Variants in EPRS1 observed in about 807,000 individuals in gnomAD.
The protein encoded by EPRS1 is glutamyl-prolyl-tRNA synthetase 1.
EPRS1 carries 107 observed loss-of-function variants against 188.3 expected under a neutral mutation model. The observed-to-expected ratio is 0.57, with a 90% confidence interval of 0.49 to 0.67. EPRS1 has a LOEUF of 0.67. EPRS1 is among the 30% of genes least tolerant of loss of function. EPRS1 has a pLI of 0.00. For missense variants in EPRS1, 1,577 were observed against 1,802.2 expected (o/e 0.88, Z 2.26); for synonymous variants, 596 against 593.1 (o/e 1.00, Z -0.07).
At chr1:219,978,363 G>A (rs555507527) in intron 28 of EPRS1, among the ~76,000 whole-genome samples, 183 bp downstream of exon 28, 1 of 152,192 alleles carries the variant, frequency 6.6e-6, no homozygotes, top group East Asian at 1.9e-4. Context: ...TTAAATTTAG[G>A]TATCACTATT....
At chr1:219,989,645 G>T (rs1661081217) in intron 18 of EPRS1, among the ~76,000 whole-genome samples, 2 of 152,084 alleles carry the variant, frequency 1.3e-5, no homozygotes, top group South Asian at 4.1e-4. Context: ...TACTCAAATG[G>T]GCATCAGAGG....
intron 12 of EPRS1, chr1:220,018,205 T>C (rs866226903): frequency 7.6e-7 from 1 of 1,316,694 alleles, no homozygotes; most frequent in African/African-American, 1.5e-5. Context: ...AAAAAAATAT[T>C]ACTGTTCCCC....
At chr1:220,035,276 A>G (rs1662156306) in intron 2 of EPRS1, among the ~76,000 whole-genome samples, 1 of 151,968 alleles carries the variant, frequency 6.6e-6, no homozygotes, top group Non-Finnish European at 1.5e-5. Context: ...TCAGCCTCCC[A>G]AGTAGCTGTG....
intron 1 of EPRS1, among the ~76,000 whole-genome samples, chr1:220,040,912 A>C (rs1662279561): frequency 6.6e-6 from 1 of 151,254 alleles, no homozygotes; most frequent in Admixed American, 6.6e-5. Flanking sequence ...TTGACCTTGG[A>C]TTTTTAAAAA....
Position 219,988,667 on chromosome 1 carries a change from C to T in EPRS1, c.2698G>A (p.Glu900Lys), listed in dbSNP as rs994713357. The T allele has an allele frequency of 6.2e-7, 1 of 1,613,884 alleles. No individual in the cohort carries two copies. Among genetic ancestry groups the T allele is most frequent in the African/African-American group, 1.3e-5 (1 of 74,882 alleles). ...NSEPAGLETP[E>K]AKVLFDKVAS... ...ACTTTGTCAAAAAGTACTTTCGCTT[C>T]TGGTGTTTCTAAACCAGCAGGTTCA... is the stretch of plus-strand genomic sequence containing the variant. The change falls in exon 19 of 32, where the codon GAA (glutamate) becomes AAA (lysine). Residue 900 changes from glutamate to lysine, a missense_variant. This residue lies in a region of EPRS1 where 1,278 missense variants were observed against 1,457.4 expected (regional missense o/e 0.88). Coordinates refer to ENST00000366923, the MANE Select transcript of EPRS1 (RefSeq NM_004446.3).
intron 11 of EPRS1, 128 bp downstream of exon 11, chr1:220,018,867 T>C: frequency 4.8e-6 from 2 of 417,592 alleles, no homozygotes; most frequent in Non-Finnish European, 8.0e-6. Flanking sequence ...AAAAAAAAAA[T>C]CTGCCCTTGG....
Position 220,017,065 on chromosome 1 carries a change from T to C in EPRS1, c.1494+1384A>G, listed in dbSNP as rs538469373. 2.0e-5 allele frequency among the ~76,000 whole-genome samples: 3 copies of C among 151,836 alleles called. No homozygotes were observed. In the South Asian group the frequency reaches 6.3e-4, roughly 32 times the overall value. ...CCATCTCTACTAAAAATACAAAAATTAGCCAGGCATGGTGGCACATGCCTG... is the reference window on the plus strand; with the variant it reads ...CCATCTCTACTAAAAATACAAAAATCAGCCAGGCATGGTGGCACATGCCTG... On this transcript the variant is annotated intron_variant, in intron 12 of 31. Transcript: ENST00000366923.
chr1:220,033,677 G>GA lies in EPRS1; in HGVS notation c.232-20dup. ...GATCAATCTGTCAACATAAAAGACA[G>GA]AAAAGAAATGCATTCCAACATTTCA... On this transcript the variant is annotated intron_variant, in intron 3 of 31. Coordinates refer to ENST00000366923, the MANE Select transcript of EPRS1 (RefSeq NM_004446.3). 1 of 1,561,258 alleles carries GA rather than the reference G, an allele frequency of 6.4e-7. No homozygotes were observed. The highest frequency in any genetic ancestry group is 8.7e-7 in the Non-Finnish European group (1 of 1,145,176).
intron 18 of EPRS1, among the ~76,000 whole-genome samples, chr1:219,990,513 T>C (rs902055784): frequency 2.0e-5 from 3 of 152,108 alleles, no homozygotes; most frequent in Non-Finnish European, 2.9e-5. Context: ...CTTAGAGAAG[T>C]TGTCAAGTTT....
Position 219,969,116 on chromosome 1 carries a change from G to T in EPRS1, c.4330C>A (p.Gln1444Lys). Residue 1444 changes from glutamine to lysine, a missense_variant, in exon 31 of 32, where the codon CAG becomes AAG. Transcript: ENST00000366923. Reference protein sequence around the residue: ...QKILDSGKIVQIPFCGEIDCE... With the variant: ...QKILDSGKIVKIPFCGEIDCE... ...TCAATTTCCCCACAGAATGGAATCT[G>T]AACAATCTAATTAAGAAAAGGAAAA... The T allele has an allele frequency of 1.2e-6, 2 of 1,603,606 alleles. No homozygotes were observed. Among genetic ancestry groups the T allele is most frequent in the Non-Finnish European group, 1.7e-6 (2 of 1,170,628 alleles).
chr1:220,019,045 G>C lies in EPRS1; in HGVS notation c.1384C>G (p.Leu462Val). ...CCTTCAACTGTCATCCCTCTTCTCA[G>C]TACACCACGAACCGTAGGAAATCTT... ...DPRFPTVRGV[L>V]RRGMTVEGLK... Residue 462 changes from leucine (L) to valine (V), a missense_variant, in exon 11 of 32, where the codon CTG (leucine) becomes GTG (valine). Physicochemically the swap from Leu to Val is conservative, Grantham distance 32. Around this residue, in one of 3 missense-constraint regions of EPRS1, gnomAD observed 1,278 missense variants for 1,457.4 expected, o/e 0.88. Coordinates refer to ENST00000366923, the MANE Select transcript of EPRS1 (RefSeq NM_004446.3). The C allele has an allele frequency of 6.2e-7, 1 of 1,613,266 alleles. No individual in the cohort carries two copies.
chr1:220,002,895 T>C (rs1434758509), intron 16 of EPRS1, among the ~76,000 whole-genome samples: 3 of 152,222 alleles, frequency 2.0e-5, no homozygotes, highest in Admixed American at 6.5e-5. Context: ...TAATTAGCAA[T>C]AATCTATTGC....
At chr1:220,000,797 A>G (rs1661335642) in intron 17 of EPRS1, among the ~76,000 whole-genome samples, 1 of 152,174 alleles carries the variant, frequency 6.6e-6, no homozygotes, top group South Asian at 2.1e-4. Flanking sequence ...CCAGGCCAAC[A>G]TGGCAAAAGC....
At chr1:220,042,498 A>AAT (rs1662316190) in intron 1 of EPRS1, among the ~76,000 whole-genome samples, 1 of 151,904 alleles carries the variant, frequency 6.6e-6, no homozygotes, top group African/African-American at 2.4e-5. Context: ...AAAAAAAAAA[A>AAT]AGAAAAAAGA....
intron 2 of EPRS1, among the ~76,000 whole-genome samples, chr1:220,038,388 A>AGCTTT (rs1662228275): frequency 5.1e-5 from 1 of 19,586 alleles, no homozygotes; most frequent in African/African-American, 3.2e-4. Flanking sequence ...AGCTCAGTTT[A>AGCTTT]TCTTTTTTTT....
chr1:220,024,926 A>T (rs367954048), intron 7 of EPRS1: 2 of 533,972 alleles, frequency 3.7e-6, no homozygotes, highest in Non-Finnish European at 6.6e-6. Flanking sequence ...GGTAAACTCT[A>T]TAACTGGGGA....
In EPRS1 at chr1:220,027,800, T is replaced by C. The variant is rs186909215; in HGVS notation, c.624-2542A>G. Among the ~76,000 whole-genome samples the C allele has an allele frequency of 3.4e-3, 522 of 151,880 alleles. 5 individuals carry two copies. Among genetic ancestry groups the C allele is most frequent in the African/African-American group, 0.012 (511 of 41,428 alleles). On this transcript the variant is annotated intron_variant, in intron 6 of 31. Transcript: ENST00000366923. ...GAGTTCAAGACCAGGCTGACCAACA[T>C]GGCGGAACTCTGTCTCTACTAAAAA...
intron 6 of EPRS1, among the ~76,000 whole-genome samples, chr1:220,030,031 AT>A (rs1662056400): frequency 6.6e-6 from 1 of 152,216 alleles, no homozygotes; most frequent in South Asian, 2.1e-4. Flanking sequence ...AATTAAAAGG[AT>A]TGCTCAGGGT....
intron 13 of EPRS1, among the ~76,000 whole-genome samples, chr1:220,009,832 G>A (rs1661565401): frequency 6.6e-6 from 1 of 152,124 alleles, no homozygotes; most frequent in South Asian, 2.1e-4. Flanking sequence ...AGTGGCTCAT[G>A]CCTATAATCC....
Sources: gnomAD v4.1 joint callset for allele counts (sites outside exome capture counted in the v4.1 genomes callset) on GRCh38, gnomAD v4.1.1 for gene constraint, gnomAD v4.1.1 regional missense constraint, MANE v1.5 for transcripts, NCBI Gene and HGNC (gene_info 2026-07-23, HGNC 2026-07-21) for gene names.